The following ATP2C2 variants were observed in gnomAD, a reference collection of about 807,000 sequenced individuals.
ATP2C2 encodes the protein calcium-transporting ATPase type 2C member 2.
Under a neutral mutation model 110.8 loss-of-function variants are expected in ATP2C2, and 171 were observed. The ratio of observed to expected loss-of-function variants is 1.54; its 90% CI spans 1.36 to 1.75. The LOEUF (loss-of-function observed/expected upper bound fraction) is 1.75, where lower values mean the gene tolerates loss of function less well. ATP2C2 is among the 40% of genes most tolerant of loss of function. The pLI is 0.00. For synonymous variants in ATP2C2, 804 were observed against 508.4 expected, an observed-to-expected ratio of 1.58 and a Z score of -7.82; for missense variants, 1,963 against 1,235.0, an observed-to-expected ratio of 1.59 and a Z score of -8.84.
At chr16:84,372,718 C>G (rs1366241250) in intron 1 of ATP2C2, among the ~76,000 whole-genome samples, 1 of 152,124 alleles carries the variant, frequency 6.6e-6, no homozygotes, top group Non-Finnish European at 1.5e-5. Flanking sequence ...GCCACCGCAC[C>G]TGGCCAGTGT....
chr16:84,387,768 C>G (rs948958541), intron 1 of ATP2C2, among the ~76,000 whole-genome samples: 2 of 152,178 alleles, frequency 1.3e-5, no homozygotes, highest in African/African-American at 4.8e-5. Context: ...TCTCAGACAG[C>G]TCTGGGTACA....
At chr16:84,391,222 T>A (rs1904644530) in intron 1 of ATP2C2, among the ~76,000 whole-genome samples, 1 of 151,556 alleles carries the variant, frequency 6.6e-6, no homozygotes. Flanking sequence ...TTTACCAGGA[T>A]GCGCCACTCT....
intron 26 of ATP2C2, 104 bp downstream of exon 26, chr16:84,462,233 G>A: frequency 1.4e-6 from 2 of 1,462,660 alleles, no homozygotes; most frequent in African/African-American, 1.4e-5. Flanking sequence ...GTGCGGGAAA[G>A]CAGAGCTCAC....
chr16:84,420,319 G>T lies in ATP2C2; in HGVS notation c.625-2071G>T, dbSNP rs150011376. Reference sequence around the variant, plus strand: ...CCAGAGGAGTCTCTGGCCTATCGGAGGATATGGATGGTCAGGTTTCCCATC... The same window carrying T: ...CCAGAGGAGTCTCTGGCCTATCGGATGATATGGATGGTCAGGTTTCCCATC... On this transcript the variant is annotated intron_variant, in intron 7 of 26. Coordinates refer to ENST00000262429, the MANE Select transcript of ATP2C2 (RefSeq NM_014861.4). Among the ~76,000 whole-genome samples the T allele has an allele frequency of 1.6e-3, 244 of 152,214 alleles. 1 individual carries two copies. Among genetic ancestry groups the T allele is most frequent in the African/African-American group, 5.7e-3 (238 of 41,536 alleles).
chr16:84,451,786 C>G (rs1910289211), intron 17 of ATP2C2, 135 bp from the exon 18 acceptor site: 7 of 875,850 alleles, frequency 8.0e-6, no homozygotes, highest in African/African-American at 1.7e-5. Context: ...TGCAGTGAGC[C>G]AACATTACAC....
intron 1 of ATP2C2, among the ~76,000 whole-genome samples, chr16:84,391,211 C>CTTTACCAG (rs1904644142): frequency 6.6e-6 from 1 of 151,894 alleles, no homozygotes; most frequent in South Asian, 2.1e-4. Context: ...ACTCTCTGAC[C>CTTTACCAG]TTTACCAGGA....
At chr16:84,441,271 AT>A (rs78457000) in intron 14 of ATP2C2, among the ~76,000 whole-genome samples, 9 of 152,260 alleles carry the variant, frequency 5.9e-5, no homozygotes, top group East Asian at 5.8e-4. Flanking sequence ...TGTTTCTATT[AT>A]TTTTTTTAAA....
At position 84,410,742 on chromosome 16, in the gene ATP2C2, G is replaced by C. The variant is rs764082464; in HGVS notation, c.492G>C (p.Lys164Asn). The C allele has an allele frequency of 6.2e-7, 1 of 1,614,194 alleles. No homozygotes were observed. Among genetic ancestry groups the C allele is most frequent in the Non-Finnish European group, 8.5e-7 (1 of 1,180,028 alleles). ...AGAAATCTCTGGAAGAGCTGACCAA[G>C]CTGGTTCCTCCAGAATGTAACTGGT... ...RSEKSLEELT[K>N]LVPPECNCLR... The change falls in exon 6 of 27, where the codon AAG becomes AAC. Residue 164 changes from lysine (K) to asparagine (N), a missense_variant. Physicochemically the swap from Lys to Asn is moderately conservative, Grantham distance 94 (BLOSUM62 0). Coordinates refer to ENST00000262429, the MANE Select transcript of ATP2C2 (RefSeq NM_014861.4).
chr16:84,377,636 A>T (rs954153113), intron 1 of ATP2C2, among the ~76,000 whole-genome samples: 1 of 152,112 alleles, frequency 6.6e-6, no homozygotes, highest in African/African-American at 2.4e-5. Context: ...CAATGACATC[A>T]TTTAGCTGTA....
intron 1 of ATP2C2, among the ~76,000 whole-genome samples, chr16:84,385,062 A>G (rs527288326): frequency 5.3e-5 from 8 of 152,332 alleles, no homozygotes; most frequent in African/African-American, 1.9e-4. Flanking sequence ...AAACACACAC[A>G]TAAAAAGAAG....
chr16:84,383,816 C>T (rs530321453), intron 1 of ATP2C2, among the ~76,000 whole-genome samples: 2 of 110,340 alleles, frequency 1.8e-5, no homozygotes, highest in Admixed American at 1.2e-4. Context: ...TTTGAGACAG[C>T]GTCTTACTCT....
At chr16:84,370,174 G>A (rs1204262563) in intron 1 of ATP2C2, among the ~76,000 whole-genome samples, 1 of 152,190 alleles carries the variant, frequency 6.6e-6, no homozygotes, top group African/African-American at 2.4e-5. Flanking sequence ...GGAGATGCTG[G>A]GAGAGTTTGA....
chr16:84,459,999 G>C (rs540276963), intron 23 of ATP2C2: 3 of 242,530 alleles, frequency 1.2e-5, no homozygotes, highest in African/African-American at 6.7e-5. Context: ...ATCTGGCCAC[G>C]TGTGCGTAAC....
chr16:84,416,370 T>G (rs1253627714), intron 7 of ATP2C2, among the ~76,000 whole-genome samples: 1 of 152,250 alleles, frequency 6.6e-6, no homozygotes, highest in Non-Finnish European at 1.5e-5. Flanking sequence ...GTGTAAGGAC[T>G]GTTCAAAGCT....
intron 1 of ATP2C2, among the ~76,000 whole-genome samples, chr16:84,375,788 TTTC>T (rs1910215370): frequency 6.6e-6 from 1 of 152,218 alleles, no homozygotes. Flanking sequence ...GATGACAAAT[TTTC>T]TTCTTTGTAA....
At chr16:84,460,123 G>A (rs958067762) in intron 23 of ATP2C2, 1 of 203,284 alleles carries the variant, frequency 4.9e-6, no homozygotes, top group Admixed American at 5.4e-5. Flanking sequence ...AAGTGTGAGG[G>A]TTACCTCTCC....
intron 1 of ATP2C2, among the ~76,000 whole-genome samples, chr16:84,393,803 A>T (rs530938749): frequency 6.6e-6 from 1 of 151,948 alleles, no homozygotes; most frequent in South Asian, 2.1e-4. Context: ...GGAGAGAGTC[A>T]GGAGGACGGT....
intron 4 of ATP2C2, among the ~76,000 whole-genome samples, chr16:84,408,953 A>G (rs767663332): frequency 6.6e-6 from 1 of 152,094 alleles, no homozygotes; most frequent in Non-Finnish European, 1.5e-5. Flanking sequence ...ATATGGTGCC[A>G]CCACCACCTC....
intron 1 of ATP2C2, among the ~76,000 whole-genome samples, chr16:84,385,883 C>T (rs1904312165): frequency 6.6e-6 from 1 of 152,184 alleles, no homozygotes; most frequent in Non-Finnish European, 1.5e-5. Flanking sequence ...GATTACAATT[C>T]CAAATGAGAT....
Sources: gnomAD v4.1 joint callset for allele counts (sites outside exome capture counted in the v4.1 genomes callset) on GRCh38, gnomAD v4.1.1 for gene constraint, MANE v1.5 for transcripts, NCBI Gene and HGNC (gene_info 2026-07-23, HGNC 2026-07-21) for gene names.